PRIM2: variants seen among roughly 807,000 people sequenced by gnomAD.
The protein encoded by PRIM2 is DNA primase subunit 2, also known as DNA primase large subunit.
PRIM2 carries 39 observed loss-of-function variants against 67.3 expected under a neutral mutation model. The observed-to-expected ratio is 0.58, with a 90% CI of 0.45 to 0.76. The LOEUF is 0.76. PRIM2 is among the 30% of genes least tolerant of loss of function. The pLI is 0.00. For synonymous variants in PRIM2, 143 were observed against 198.7 expected, an observed-to-expected ratio of 0.72 and a Z score of 2.36; for missense variants, 398 against 598.7, an observed-to-expected ratio of 0.66 and a Z score of 3.50.
the PRIM2 span, among the ~76,000 whole-genome samples, chr6:57,284,081 C>T: frequency 2.1e-4 from 32 of 152,102 alleles, no homozygotes; most frequent in South Asian, 2.1e-4. Flanking sequence ...AGTATCCTGG[C>T]TTAAACAGAA....
At chr6:57,469,165 C>T (rs1773277465) in intron 7 of PRIM2, among the ~76,000 whole-genome samples, 1 of 152,218 alleles carries the variant, frequency 6.6e-6, no homozygotes, top group Admixed American at 6.5e-5. Context: ...GCCTGTTTAA[C>T]TCACTTCTCA....
chr6:57,582,231 G>GT (rs1317707420), intron 10 of PRIM2, among the ~76,000 whole-genome samples: 5,162 of 152,218 alleles, frequency 0.034, 286 homozygotes, highest in African/African-American at 0.12. Flanking sequence ...TCTGAAGCCT[G>GT]TTCCAGCTTT....
chr6:57,287,251 T>C, the PRIM2 span, among the ~76,000 whole-genome samples: 1 of 152,174 alleles, frequency 6.6e-6, no homozygotes, highest in Non-Finnish European at 1.5e-5. Context: ...AGCAATCCCA[T>C]TACTGGGTAC....
At chr6:57,273,139 C>T in the PRIM2 span, among the ~76,000 whole-genome samples, 4 of 151,970 alleles carry the variant, frequency 2.6e-5, no homozygotes, top group South Asian at 2.1e-4. Context: ...ATCTTTGTGG[C>T]GTTCTCTGTA....
chr6:57,325,942 G>A lies in PRIM2; in HGVS notation c.356G>A (p.Trp119Ter). 6.2e-7 allele frequency: 1 copy of A among 1,604,372 alleles called. No individual in the cohort carries two copies. Among genetic ancestry groups the A allele is most frequent in the South Asian group, 1.1e-5 (1 of 89,436 alleles). ...AYCQSEELRR[W>*]FIQQEMDLLR... is the part of the protein sequence containing the mutation. ...CATTTCAGTGAAGAACTTAGACGCT[G>A]GTTCATTCAACAAGAAATGGATCTC... is the stretch of plus-strand genomic sequence containing the variant. The change falls in exon 5 of 14, where the codon TGG becomes TAG. Residue 119 changes from tryptophan (W) to a stop codon, truncating the protein, a stop_gained. Transcript: ENST00000615550. LOFTEE classifies it high-confidence loss of function.
At chr6:57,522,550 T>C (rs1774647377) in intron 8 of PRIM2, among the ~76,000 whole-genome samples, 1 of 152,188 alleles carries the variant, frequency 6.6e-6, no homozygotes, top group African/African-American at 2.4e-5. Context: ...GGGGTCTTGC[T>C]CTTTTGCCCA....
At chr6:57,449,989 G>A (rs1177319224) in intron 7 of PRIM2, among the ~76,000 whole-genome samples, 2 of 152,020 alleles carry the variant, frequency 1.3e-5, no homozygotes, top group Non-Finnish European at 2.9e-5. Context: ...AGGTAACTCA[G>A]TTTTGTTTCA....
At chr6:57,366,131 C>CT (rs1444064224) in intron 5 of PRIM2, among the ~76,000 whole-genome samples, 2 of 152,030 alleles carry the variant, frequency 1.3e-5, no homozygotes, top group East Asian at 3.9e-4. Context: ...GTGGGAGTAA[C>CT]TATGCCTAAG....
At chr6:57,542,445 C>T (rs2127472015) in intron 10 of PRIM2, among the ~76,000 whole-genome samples, 1 of 152,296 alleles carries the variant, frequency 6.6e-6, no homozygotes, top group South Asian at 2.1e-4. Flanking sequence ...GGCTTGGACA[C>T]TTGTTCATTG....
intron 11 of PRIM2, among the ~76,000 whole-genome samples, chr6:57,602,033 A>G (rs1262743159): frequency 6.6e-6 from 1 of 152,056 alleles, no homozygotes; most frequent in Non-Finnish European, 1.5e-5. Flanking sequence ...AGATAGACAG[A>G]TAAGATAGAT....
chr6:57,618,162 C>T (rs1776787288), intron 12 of PRIM2, among the ~76,000 whole-genome samples: 1 of 152,174 alleles, frequency 6.6e-6, no homozygotes, highest in African/African-American at 2.4e-5. Flanking sequence ...GCTTTGAAAT[C>T]AGGAAGCATG....
chr6:57,438,362 G>C (rs1581904785), intron 7 of PRIM2, among the ~76,000 whole-genome samples: 2 of 152,210 alleles, frequency 1.3e-5, no homozygotes, highest in Middle Eastern at 6.8e-3. Flanking sequence ...TGTTATGAAA[G>C]GAAATGAAAA....
At chr6:57,248,812 C>G in the PRIM2 span, among the ~76,000 whole-genome samples, 1 of 152,200 alleles carries the variant, frequency 6.6e-6, no homozygotes, top group Non-Finnish European at 1.5e-5. Context: ...GCCTTAGGCT[C>G]CCTGCCTCCA....
intron 7 of PRIM2, among the ~76,000 whole-genome samples, chr6:57,419,045 T>G (rs1771375289): frequency 1.3e-5 from 2 of 152,356 alleles, no homozygotes; most frequent in East Asian, 1.9e-4. Flanking sequence ...ATTAAATATT[T>G]GATGTGAATT....
At chr6:57,383,954 C>A (rs1457176949) in intron 7 of PRIM2, among the ~76,000 whole-genome samples, 1 of 152,168 alleles carries the variant, frequency 6.6e-6, no homozygotes, top group Non-Finnish European at 1.5e-5. Flanking sequence ...TTTCTAGTTG[C>A]AGGTAACAGC....
intron 10 of PRIM2, among the ~76,000 whole-genome samples, chr6:57,588,459 T>C (rs1329689514): frequency 6.7e-6 from 1 of 149,722 alleles, no homozygotes; most frequent in Admixed American, 6.7e-5. Flanking sequence ...AGTTTAGTAG[T>C]AGTTGAGGGC....
chr6:57,232,316 G>A, the PRIM2 span, among the ~76,000 whole-genome samples: 5 of 152,212 alleles, frequency 3.3e-5, no homozygotes, highest in Admixed American at 2.6e-4. Flanking sequence ...ACTTTGGGAG[G>A]CCGAAGCAGG....
chr6:57,355,932 G>A (rs1197130010), intron 5 of PRIM2, among the ~76,000 whole-genome samples: 3 of 152,178 alleles, frequency 2.0e-5, no homozygotes, highest in Non-Finnish European at 2.9e-5. Context: ...ATGAGCCACT[G>A]TGCCTGGCCA....
chr6:57,378,586 A>C (rs1769851741), intron 5 of PRIM2, among the ~76,000 whole-genome samples: 1 of 152,118 alleles, frequency 6.6e-6, no homozygotes, highest in Admixed American at 6.5e-5. Flanking sequence ...GAATACTTTG[A>C]GGTGTAATGT....
Sources: gnomAD v4.1 joint callset for allele counts (sites outside exome capture counted in the v4.1 genomes callset) on GRCh38, gnomAD v4.1.1 for gene constraint, MANE v1.5 for transcripts, NCBI Gene and HGNC (gene_info 2026-07-23, HGNC 2026-07-21) for gene names.